The following RNF38 variants were observed in gnomAD, a reference collection of about 807,000 sequenced individuals.
RNF38 encodes ring finger protein 38.
Under a neutral mutation model 67.2 loss-of-function variants are expected in RNF38, and 15 were observed. The observed-to-expected ratio is 0.22, with a 90% CI of 0.15 to 0.34. RNF38 has a LOEUF of 0.34. Among genes scored for constraint, RNF38 ranks in the 10% least tolerant of loss-of-function variants. The probability of loss-of-function intolerance (pLI) is 1.00; values close to 1 mark genes in which losing one functional copy is unlikely to be tolerated. For synonymous variants in RNF38, 220 were observed against 218.8 expected, an observed-to-expected ratio of 1.01 and a Z score of -0.05; for missense variants, 524 against 639.9, an observed-to-expected ratio of 0.82 and a Z score of 1.95.
At chr9:36,401,642 A>G (rs1234579671), upstream of RNF38, among the ~76,000 whole-genome samples, 4 of 152,190 alleles carry the variant, frequency 2.6e-5, no homozygotes, top group Non-Finnish European at 5.9e-5. Context: ...TGTCCTGATA[A>G]TCACGATACA....
At chr9:36,429,333 A>G (rs1282862343) in intron 1 of RNF38, among the ~76,000 whole-genome samples, 1 of 152,196 alleles carries the variant, frequency 6.6e-6, no homozygotes, top group African/African-American at 2.4e-5. Flanking sequence ...GTCCTCTCGT[A>G]TCTGTGGGAG....
At chr9:36,403,759 A>T (rs1838116057), upstream of RNF38, among the ~76,000 whole-genome samples, 1 of 152,236 alleles carries the variant, frequency 6.6e-6, no homozygotes, top group Admixed American at 6.5e-5. Flanking sequence ...GCCACTATAC[A>T]AAAACTGCAT....
intron 2 of RNF38, among the ~76,000 whole-genome samples, chr9:36,422,741 T>C (rs940754793): frequency 6.6e-6 from 1 of 152,188 alleles, no homozygotes; most frequent in African/African-American, 2.4e-5. Context: ...GCTGATCTCC[T>C]GTTCCTTAAT....
rs139782782 is a variant in RNF38 at position 36,379,854 on chromosome 9, G to C, written c.163-3727C>G. 3.0e-3 allele frequency among the ~76,000 whole-genome samples: 458 copies of C among 152,284 alleles called. 2 individuals carry two copies. Among genetic ancestry groups the C allele is most frequent in the Non-Finnish European group, 4.9e-3 (336 of 68,020 alleles). On this transcript the variant is annotated intron_variant, in intron 2 of 11. Transcript: ENST00000259605. ...ATTATATAAAAGACAATCAGTCCAG[G>C]AAAGTCAATGAGGAATGCAAATTCA... is the stretch of plus-strand genomic sequence containing the variant.
chr9:36,357,701 G>A lies in RNF38; in HGVS notation c.738+74C>T, dbSNP rs144714798. ...AGCCCCTCTAAAGAGGGTAAGAGTC[G>A]GGAAGTTACAAAACCAAATTCAGGC... On this transcript the variant is annotated intron_variant, in intron 5 of 11. Transcript: ENST00000259605. 4,889 of 1,200,930 alleles carry A rather than the reference G, an allele frequency of 4.1e-3. 67 individuals carry two copies. The highest frequency in any genetic ancestry group is 0.025 in the South Asian group (1,883 of 74,902). 74.4% of individuals were successfully genotyped at this position (1,200,930 alleles called of 1,614,324 possible).
upstream of RNF38, chr9:36,401,026 G>A (rs1019627583): frequency 1.1e-5 from 11 of 984,274 alleles, no homozygotes; most frequent in African/African-American, 7.0e-5. Context: ...CCGCTAGGCC[G>A]CGACACGCGC....
At chr9:36,410,569 G>A (rs766916062) in intron 2 of RNF38, among the ~76,000 whole-genome samples, 62 of 152,286 alleles carry the variant, frequency 4.1e-4, no homozygotes, top group Middle Eastern at 3.4e-3. Flanking sequence ...CTACAACATG[G>A]AAATGGCTAG....
intron 10 of RNF38, among the ~76,000 whole-genome samples, chr9:36,342,667 C>T (rs1328892840): frequency 2.0e-5 from 3 of 151,970 alleles, no homozygotes; most frequent in Non-Finnish European, 4.4e-5. Flanking sequence ...AGATTCTATA[C>T]TATTTAAAAA....
intron 9 of RNF38, among the ~76,000 whole-genome samples, chr9:36,349,388 A>G (rs1194551527): frequency 2.0e-5 from 3 of 152,114 alleles, no homozygotes; most frequent in African/African-American, 7.2e-5. Context: ...AATGTTGAGC[A>G]CCTTTTCATA....
intron 2 of RNF38, among the ~76,000 whole-genome samples, chr9:36,408,766 A>C (rs889593335): frequency 2.0e-5 from 3 of 152,190 alleles, no homozygotes; most frequent in Non-Finnish European, 4.4e-5. Flanking sequence ...TGTTCAACTG[A>C]ATTTAAGAAA....
At chr9:36,369,980 C>G in intron 3 of RNF38, 48 bp from the exon 4 acceptor site, 1 of 1,478,550 alleles carries the variant, frequency 6.8e-7, no homozygotes, top group Non-Finnish European at 9.3e-7. Context: ...TGTGATCCAT[C>G]AGGATTCTGT....
At chr9:36,462,605 G>A (rs1441014993) in intron 1 of RNF38, among the ~76,000 whole-genome samples, 1 of 152,008 alleles carries the variant, frequency 6.6e-6, no homozygotes, top group African/African-American at 2.4e-5. Context: ...AAAACAGCTT[G>A]ATGCCTAACT....
chr9:36,429,289 C>G (rs1368697413), intron 1 of RNF38, among the ~76,000 whole-genome samples: 1 of 152,202 alleles, frequency 6.6e-6, no homozygotes, highest in African/African-American at 2.4e-5. Flanking sequence ...TTCCCCAAAT[C>G]TTACAGGCAT....
At chr9:36,467,432 A>AC (rs2134399457) in intron 1 of RNF38, among the ~76,000 whole-genome samples, 1 of 152,070 alleles carries the variant, frequency 6.6e-6, no homozygotes, top group South Asian at 2.1e-4. Context: ...CAGCAAGAGA[A>AC]AACAGCCCAG....
chr9:36,399,878 G>C (rs770585722), intron 1 of RNF38, among the ~76,000 whole-genome samples: 2 of 152,054 alleles, frequency 1.3e-5, no homozygotes, highest in Non-Finnish European at 2.9e-5. Flanking sequence ...ACAGAATACA[G>C]CAGACTTGCA....
chr9:36,469,818 AAT>A (rs1263820204), intron 1 of RNF38, among the ~76,000 whole-genome samples: 2 of 152,078 alleles, frequency 1.3e-5, no homozygotes, highest in African/African-American at 4.8e-5. Context: ...TCTACTACAA[AAT>A]ACAAAAAATT....
At chr9:36,368,885 T>TC (rs1835167081) in intron 4 of RNF38, among the ~76,000 whole-genome samples, 1 of 151,622 alleles carries the variant, frequency 6.6e-6, no homozygotes, top group Admixed American at 6.6e-5. Context: ...TAGACACATG[T>TC]CTTTTTTTTT....
At chr9:36,466,336 T>C (rs1383198639) in intron 1 of RNF38, among the ~76,000 whole-genome samples, 1 of 152,206 alleles carries the variant, frequency 6.6e-6, no homozygotes, top group Non-Finnish European at 1.5e-5. Flanking sequence ...GTGGTACTGG[T>C]TACACAACTG....
chr9:36,429,702 G>A (rs1253688789), intron 1 of RNF38, among the ~76,000 whole-genome samples: 1 of 152,152 alleles, frequency 6.6e-6, no homozygotes, highest in South Asian at 2.1e-4. Flanking sequence ...GCTGAGGCAG[G>A]AGAATTGTTT....
Sources: gnomAD v4.1 joint callset for allele counts (sites outside exome capture counted in the v4.1 genomes callset) on GRCh38, gnomAD v4.1.1 for gene constraint, MANE v1.5 for transcripts, NCBI Gene and HGNC (gene_info 2026-07-23, HGNC 2026-07-21) for gene names.